GLI3: variants seen among roughly 807,000 people sequenced by gnomAD.
GLI3 encodes GLI family zinc finger 3, also known as transcription activator GLI3.
GLI3 carries 20 observed loss-of-function variants against 100.8 expected under a neutral mutation model. The ratio of observed to expected loss-of-function variants is 0.20; its 90% CI spans 0.14 to 0.29. The LOEUF is 0.29. Ranked by LOEUF, GLI3 falls within the 10% of genes least tolerant of loss-of-function variation. The probability of loss-of-function intolerance (pLI) is 1.00; values close to 1 mark genes in which losing one functional copy is unlikely to be tolerated. For missense variants in GLI3, 2,040 were observed against 2,128.5 expected (o/e 0.96, Z 0.82); for synonymous variants, 938 against 860.5 (o/e 1.09, Z -1.58).
chr7:42,112,908 C>T lies in GLI3; in HGVS notation c.367+35318G>A, dbSNP rs182841058. Among the ~76,000 whole-genome samples the T allele has an allele frequency of 6.6e-5, 10 of 152,266 alleles. No homozygotes were observed. The East Asian group carries it at 1.9e-3, about 29-fold the overall frequency. On this transcript the variant is annotated intron_variant, in intron 3 of 14. Coordinates refer to ENST00000395925, the MANE Select transcript of GLI3 (RefSeq NM_000168.6). ...ATAAATAGGGCCGGGTGTAGTGGCT[C>T]ACATCTGTAATCCCATCACTTTGGG...
intron 13 of GLI3, among the ~76,000 whole-genome samples, chr7:41,970,448 C>A (rs1787335085): frequency 6.6e-6 from 1 of 152,126 alleles, no homozygotes. Context: ...AAAATATGGG[C>A]ATAGTCTTGA....
chr7:42,083,129 T>C (rs190973849), intron 3 of GLI3, among the ~76,000 whole-genome samples: 44 of 152,348 alleles, frequency 2.9e-4, no homozygotes, highest in African/African-American at 1.0e-3. Flanking sequence ...CTAACAAACA[T>C]TGGGTCTCAT....
At chr7:42,161,633 C>G (rs1209564874) in intron 2 of GLI3, among the ~76,000 whole-genome samples, 1 of 152,190 alleles carries the variant, frequency 6.6e-6, no homozygotes, top group Non-Finnish European at 1.5e-5. Context: ...CGGAAATAGG[C>G]TTAGAGAAAT....
rs554906923 is a variant in GLI3, at chr7:42,109,607, G to A, written c.368-32750C>T. Among the ~76,000 whole-genome samples, 6 of 152,286 alleles carry A rather than the reference G, an allele frequency of 3.9e-5. No homozygotes were observed. The South Asian group carries it at 1.2e-3, about 32-fold the overall frequency. The stretch of plus-strand genomic sequence containing the variant: ...ATTCTGAGCTGACAGTGAAAATAAC[G>A]AATGAAACACGGCAGAGCAGAAGTG... On this transcript the variant is annotated intron_variant, in intron 3 of 14. Transcript: ENST00000395925.
At position 42,096,014 on chromosome 7, in the gene GLI3, C is replaced by T. The variant is rs538225210; in HGVS notation, c.368-19157G>A. On this transcript the variant is annotated intron_variant, in intron 3 of 14. Transcript: ENST00000395925. ...CCACCAGTCAGGGGCCTCCAAGGGG[C>T]CAGAGGGAGGAGGCAGTTTCAGGCA... Among the ~76,000 whole-genome samples the T allele has an allele frequency of 9.2e-5, 14 of 152,102 alleles. No homozygotes were observed. In the East Asian group the frequency reaches 2.1e-3, roughly 23 times the overall value.
chr7:42,129,218 C>A (rs775151273), intron 3 of GLI3, among the ~76,000 whole-genome samples: 3 of 152,092 alleles, frequency 2.0e-5, no homozygotes, highest in Non-Finnish European at 2.9e-5. Flanking sequence ...AGAGCTACTC[C>A]CGGCCCCACT....
At chr7:42,031,280 C>A (rs1325849708) in intron 7 of GLI3, among the ~76,000 whole-genome samples, 1 of 152,152 alleles carries the variant, frequency 6.6e-6, no homozygotes, top group South Asian at 2.1e-4. Context: ...TAATTTAAGA[C>A]AATAACAACA....
At chr7:42,132,569 T>C (rs1043974995) in intron 3 of GLI3, among the ~76,000 whole-genome samples, 2 of 151,942 alleles carry the variant, frequency 1.3e-5, no homozygotes, top group African/African-American at 4.8e-5. Flanking sequence ...TCATCGCATA[T>C]AGAAAAAAAA....
chr7:42,239,239 C>G (rs1049332941), upstream of GLI3, among the ~76,000 whole-genome samples: 4 of 152,292 alleles, frequency 2.6e-5, no homozygotes, highest in East Asian at 5.8e-4. Context: ...GCCCCATCTC[C>G]GCGCTCACTA....
intron 3 of GLI3, among the ~76,000 whole-genome samples, chr7:42,139,615 G>T (rs1020063142): frequency 6.6e-6 from 1 of 151,692 alleles, no homozygotes; most frequent in African/African-American, 2.4e-5. Context: ...GGAAGCAGAG[G>T]TTGCGGTGAG....
chr7:42,196,427 T>C (rs1390109217), intron 2 of GLI3, among the ~76,000 whole-genome samples: 1 of 152,236 alleles, frequency 6.6e-6, no homozygotes, highest in Non-Finnish European at 1.5e-5. Flanking sequence ...AAAGGCGTCC[T>C]GATTAACGTT....
intron 1 of GLI3, among the ~76,000 whole-genome samples, chr7:42,262,791 C>T (rs1283399350): frequency 1.3e-5 from 2 of 152,122 alleles, no homozygotes; most frequent in Non-Finnish European, 2.9e-5. Flanking sequence ...ACTTTCCTAA[C>T]ATTACTTTTT....
intron 3 of GLI3, among the ~76,000 whole-genome samples, chr7:42,096,551 G>T (rs111743616): frequency 6.6e-6 from 1 of 152,324 alleles, no homozygotes; most frequent in South Asian, 2.1e-4. Flanking sequence ...CCTGAAGGAC[G>T]CATTCAAAGC....
intron 2 of GLI3, among the ~76,000 whole-genome samples, chr7:42,207,603 T>C (rs1788181297): frequency 6.6e-6 from 1 of 152,084 alleles, no homozygotes; most frequent in South Asian, 2.1e-4. Context: ...ATCACATCAT[T>C]ATTCACAATT....
rs961521903 is a variant in GLI3 at position 41,972,022 on chromosome 7, G to A, written c.2103+315C>T. Among the ~76,000 whole-genome samples the A allele has an allele frequency of 1.3e-5, 2 of 152,228 alleles. No homozygotes were observed. The highest frequency in any genetic ancestry group is 2.9e-5 in the Non-Finnish European group (2 of 68,040). ...CCAGGGCAAAGAAGACAGAAAGCAT[G>A]TTTACAGGAAGAGTCAATGAATGAT... On this transcript the variant is annotated intron_variant, in intron 13 of 14. Transcript: ENST00000395925. This position sits in a 1 kb window ranked among gnomAD's most constrained non-coding sequence, Gnocchi z 4.4.
intron 1 of GLI3, among the ~76,000 whole-genome samples, chr7:42,254,217 T>TGAAAAAA (rs1789062391): frequency 8.4e-6 from 1 of 118,520 alleles, no homozygotes; most frequent in Non-Finnish European, 1.7e-5. Context: ...AAAACTCCGT[T>TGAAAAAA]AAAAAAAAAA....
intron 3 of GLI3, among the ~76,000 whole-genome samples, chr7:42,130,673 T>G (rs566129928): frequency 2.1e-4 from 32 of 152,160 alleles, no homozygotes; most frequent in African/African-American, 7.7e-4. Flanking sequence ...TGTAGAATTT[T>G]GGGAAGAAAG....
In GLI3 at chr7:42,174,873, G is replaced by A. The variant is rs575559213; in HGVS notation, c.125-26405C>T. Reference sequence around the variant, plus strand: ...AGCGCCATTTCCTCATCTGTAAAACGTGGAAACAGCAGTGGGCTTGCCGGG... The same window carrying A: ...AGCGCCATTTCCTCATCTGTAAAACATGGAAACAGCAGTGGGCTTGCCGGG... On this transcript the variant is annotated intron_variant, in intron 2 of 14. Coordinates refer to ENST00000395925, the MANE Select transcript of GLI3 (RefSeq NM_000168.6). Among the ~76,000 whole-genome samples, 9 of 152,292 alleles carry A rather than the reference G, an allele frequency of 5.9e-5. No individual in the cohort carries two copies. In the East Asian group the frequency reaches 9.7e-4, roughly 16 times the overall value.
chr7:42,113,515 G>C (rs1785768840), intron 3 of GLI3: 3 of 1,133,654 alleles, frequency 2.6e-6, no homozygotes, highest in Non-Finnish European at 4.0e-6. Flanking sequence ...TACCCAAAGG[G>C]AAAAAGGGAA....
Sources: allele counts gnomAD v4.1 joint callset (sites outside exome capture counted in the v4.1 genomes callset), GRCh38; gene constraint gnomAD v4.1.1; non-coding constraint Gnocchi (gnomAD v3.1); transcripts MANE v1.5; gene names NCBI Gene and HGNC (gene_info 2026-07-23, HGNC 2026-07-21).